The following LRCH2 variants were observed in gnomAD, a reference collection of about 807,000 sequenced individuals.
LRCH2 encodes the protein leucine rich repeats and calponin homology domain containing 2.
Under a neutral mutation model 68.9 loss-of-function variants are expected in LRCH2, and 38 were observed. That is an observed-to-expected ratio of 0.55 (90% CI 0.43 to 0.72). The LOEUF is 0.72. LRCH2 is among the 30% of genes least tolerant of loss of function. The pLI, the probability that LRCH2 is intolerant of heterozygous loss-of-function variation, is 0.00. For synonymous variants in LRCH2, 191 were observed against 208.1 expected (o/e 0.92, Z 0.71); for missense variants, 528 against 572.9 (o/e 0.92, Z 0.80).
intron 11 of LRCH2, among the ~76,000 whole-genome samples, chrX:115,162,703 A>G (rs969709027): frequency 3.6e-5 from 4 of 111,918 alleles, no homozygotes; most frequent in Admixed American, 9.6e-5. Context: ...TTGTCATTTG[A>G]TAAGTTTTAG....
chrX:115,132,504 C>T (rs1445861572), intron 14 of LRCH2, among the ~76,000 whole-genome samples: 1 of 111,913 alleles, frequency 8.9e-6, no homozygotes, highest in Non-Finnish European at 1.9e-5. Flanking sequence ...AGATAACCAA[C>T]CTGATATCTC....
At chrX:115,177,046 C>A (rs1202258124) in intron 5 of LRCH2, among the ~76,000 whole-genome samples, 6 of 66,661 alleles carry the variant, frequency 9.0e-5, no homozygotes, top group African/African-American at 2.8e-4. Context: ...CGCACCCAGC[C>A]TTTTTTTTTT....
At chrX:115,213,567 T>C (rs1556570563) in intron 1 of LRCH2, among the ~76,000 whole-genome samples, 1 of 112,059 alleles carries the variant, frequency 8.9e-6, no homozygotes, top group African/African-American at 3.2e-5. Flanking sequence ...ATATCAATTC[T>C]TATTCCACTC....
chrX:115,118,956 C>A (rs1167658010), intron 20 of LRCH2, among the ~76,000 whole-genome samples: 3 of 111,574 alleles, frequency 2.7e-5, no homozygotes, highest in Non-Finnish European at 5.6e-5. Flanking sequence ...AGAACTTTGA[C>A]AAAATTCAAC....
At chrX:115,221,906 C>T (rs1157394567) in intron 1 of LRCH2, among the ~76,000 whole-genome samples, 1 of 94,566 alleles carries the variant, frequency 1.1e-5, no homozygotes, top group African/African-American at 3.9e-5. Flanking sequence ...TAGGAGTTCA[C>T]AAGGTGGAAA....
At chrX:115,172,102 A>G (rs1556547704) in intron 5 of LRCH2, among the ~76,000 whole-genome samples, 2 of 111,383 alleles carry the variant, frequency 1.8e-5, no homozygotes, top group African/African-American at 3.3e-5. Flanking sequence ...AAATTTTCCA[A>G]TGGTAGATTT....
In LRCH2 at chrX:115,165,546, A is replaced by G. The variant is rs2072552183; in HGVS notation, c.1296+12T>C. On this transcript the variant is annotated intron_variant, in intron 9 of 20. Transcript: ENST00000317135. ...GAACATGTTATTAATATTTGTTCAA[A>G]GTTTTATTTACCTTAAAGAATGATA... The G allele has an allele frequency of 8.9e-7, 1 of 1,117,819 alleles. No individual in the cohort carries two copies. Among genetic ancestry groups the G allele is most frequent in the East Asian group, 3.3e-5 (1 of 30,557 alleles). 92.1% of individuals were successfully genotyped at this position (1,117,819 alleles called of 1,213,427 possible). A position where few individuals can be genotyped will look rare whatever the true frequency, so the allele number is the denominator to read the frequency against.
chrX:115,188,406 A>G (rs1556555433), intron 1 of LRCH2, 36 bp from the exon 2 acceptor site: 3 of 972,631 alleles, frequency 3.1e-6, no homozygotes, highest in Admixed American at 3.4e-5. Flanking sequence ...ACATATACCT[A>G]TATCTATGGT....
At chrX:115,171,278 G>A (rs914340099) in intron 5 of LRCH2, among the ~76,000 whole-genome samples, 9 of 111,594 alleles carry the variant, frequency 8.1e-5, no homozygotes, top group Admixed American at 1.9e-4. Context: ...CAGGTCCAAA[G>A]GAAGAATGTT....
chrX:115,186,875 G>A lies in LRCH2; in HGVS notation c.494+1351C>T, dbSNP rs1556554660. The stretch of plus-strand genomic sequence containing the variant: ...ACTCTGTCACCCAGGCTGGAGTGCA[G>A]TGGCGCGATCTCGGCTCACTGCAAG... On this transcript the variant is annotated intron_variant, in intron 2 of 20. Coordinates refer to ENST00000317135, the MANE Select transcript of LRCH2 (RefSeq NM_020871.4). Among the ~76,000 whole-genome samples the A allele has an allele frequency of 2.1e-5, 2 of 95,419 alleles. 1 individual carries two copies. The highest frequency in any genetic ancestry group is 4.1e-5 in the Non-Finnish European group (2 of 49,122). The allele number at this position is 95,419 out of a possible 115,157, so 82.9% of individuals were successfully genotyped here.
At chrX:115,145,806 T>C (rs1387293847) in intron 14 of LRCH2, among the ~76,000 whole-genome samples, 1 of 111,349 alleles carries the variant, frequency 9.0e-6, no homozygotes, top group African/African-American at 3.3e-5. Flanking sequence ...GGTGAGGATG[T>C]GGAGAAAAGG....
At chrX:115,183,064 G>A (rs1360076399) in intron 3 of LRCH2, among the ~76,000 whole-genome samples, 2 of 107,894 alleles carry the variant, frequency 1.9e-5, no homozygotes, top group Admixed American at 9.9e-5. Context: ...GCACACGCAC[G>A]CACACGCACA....
rs55636329 is a variant in LRCH2 at position 115,198,033 on chromosome X, CTT to C, written c.350-9665_350-9664del. ...AGAAAAAGAATGAACAAAGCTTTTT[CTT>C]TTTTTTTTTTTTTGAACTTGCTTAT... On this transcript the variant is annotated intron_variant, in intron 1 of 20. Transcript: ENST00000317135. Among the ~76,000 whole-genome samples, 434 of 80,191 alleles carry C rather than the reference CTT, an allele frequency of 5.4e-3. 1 individual carries two copies. Among genetic ancestry groups the C allele is most frequent in the East Asian group, 0.028 (70 of 2,523 alleles). The allele number at this position is 80,191 out of a possible 115,157, so 69.6% of individuals were successfully genotyped here. A position where few individuals can be genotyped will look rare whatever the true frequency, so the allele number is the denominator to read the frequency against.
chrX:115,138,694 G>A (rs912970412), intron 14 of LRCH2, among the ~76,000 whole-genome samples: 1 of 111,891 alleles, frequency 8.9e-6, no homozygotes, highest in Non-Finnish European at 1.9e-5. Context: ...AATGGGAAAT[G>A]TATTACTGTT....
chrX:115,190,847 G>A, intron 1 of LRCH2: 5 of 1,154,858 alleles, frequency 4.3e-6, no homozygotes, highest in Non-Finnish European at 5.8e-6. Flanking sequence ...GGAGGAGGAG[G>A]CCGTTATGAG....
At chrX:115,223,426 A>T (rs1249837664) in intron 1 of LRCH2, among the ~76,000 whole-genome samples, 1 of 78,161 alleles carries the variant, frequency 1.3e-5, no homozygotes, top group Non-Finnish European at 2.5e-5. Context: ...TATATCTGAT[A>T]AAAAACTTGA....
At chrX:115,189,453 G>A (rs1247546185) in intron 1 of LRCH2, 5 of 1,171,738 alleles carry the variant, frequency 4.3e-6, no homozygotes, top group South Asian at 1.9e-5. Context: ...TGATGGAAGC[G>A]GATCGCCCAG....
chrX:115,168,662 C>T (rs1472234054), intron 6 of LRCH2, among the ~76,000 whole-genome samples: 2 of 110,764 alleles, frequency 1.8e-5, no homozygotes, highest in African/African-American at 3.3e-5. Flanking sequence ...TAATTCTGCC[C>T]ATTTCTTTTC....
intron 1 of LRCH2, chrX:115,189,757 A>T: frequency 8.6e-7 from 1 of 1,167,006 alleles, no homozygotes; most frequent in South Asian, 1.9e-5. Flanking sequence ...CAGTCGCTCA[A>T]GGTTCTCACA....
Sources: gnomAD v4.1 joint callset for allele counts (sites outside exome capture counted in the v4.1 genomes callset) on GRCh38, gnomAD v4.1.1 for gene constraint, MANE v1.5 for transcripts, NCBI Gene and HGNC (gene_info 2026-07-23, HGNC 2026-07-21) for gene names.